The following CCDC169 variants were observed in gnomAD, a reference collection of about 807,000 sequenced individuals.
CCDC169 encodes the protein coiled-coil domain-containing protein 169.
A neutral mutation model predicts 36.0 loss-of-function variants in CCDC169; 30 were observed. The ratio of observed to expected loss-of-function variants is 0.83; its 90% confidence interval spans 0.62 to 1.13. The LOEUF (loss-of-function observed/expected upper bound fraction) is 1.13, where lower values mean the gene tolerates loss of function less well. Ranked by LOEUF, CCDC169 falls within the 50% of genes most tolerant of loss-of-function variation. The pLI is 0.00. For synonymous variants in CCDC169, 85 were observed against 81.5 expected, an observed-to-expected ratio of 1.04 and a Z score of -0.23; for missense variants, 245 against 245.9, an observed-to-expected ratio of 1.00 and a Z score of 0.03.
chr13:36,286,803 T>C (rs945987711), intron 2 of CCDC169, among the ~76,000 whole-genome samples: 3 of 152,092 alleles, frequency 2.0e-5, no homozygotes, highest in Admixed American at 1.3e-4. Context: ...GTGCTGAGGC[T>C]CTCCCTAAGA....
downstream of CCDC169, chr13:36,223,059 C>T (rs972961296): frequency 6.6e-6 from 1 of 152,096 alleles, no homozygotes; most frequent in African/African-American, 2.4e-5. Context: ...GAACACCATG[C>T]AATATAAACA....
At position 36,231,143 on chromosome 13, in the gene CCDC169, T is replaced by C. The variant is rs1870376776; in HGVS notation, c.*50A>G. On this transcript the variant is annotated 3_prime_UTR_variant, in exon 8 of 8. Coordinates refer to ENST00000239859, the MANE Select transcript of CCDC169 (RefSeq NM_001144981.3). The stretch of plus-strand genomic sequence containing the variant: ...GACCATTAACTTTATAACTTGAATA[T>C]TATAAATGGAAAAAAAAAGGAAGAA... 6.6e-7 allele frequency: 1 copy of C among 1,512,622 alleles called. No individual in the cohort carries two copies. Among genetic ancestry groups the C allele is most frequent in the Non-Finnish European group, 8.9e-7 (1 of 1,128,670 alleles). The allele number at this position is 1,512,622 out of a possible 1,614,324, so 93.7% of individuals were successfully genotyped here.
At chr13:36,288,316 G>A (rs527414780) in intron 2 of CCDC169, among the ~76,000 whole-genome samples, 1 of 152,182 alleles carries the variant, frequency 6.6e-6, no homozygotes, top group South Asian at 2.1e-4. Context: ...GCCCGACCCG[G>A]AAATAACTTT....
intron 6 of CCDC169, among the ~76,000 whole-genome samples, chr13:36,249,993 T>C (rs1872951960): frequency 6.6e-6 from 1 of 152,144 alleles, no homozygotes; most frequent in South Asian, 2.1e-4. Flanking sequence ...GCATCTACTA[T>C]ATGCTGCCAC....
chr13:36,234,906 A>G (rs1223204145), intron 7 of CCDC169, among the ~76,000 whole-genome samples: 2 of 152,162 alleles, frequency 1.3e-5, no homozygotes, highest in East Asian at 3.8e-4. Flanking sequence ...TGGCAAAGAT[A>G]ACTACATAGG....
chr13:36,245,794 T>C (rs1872441087), intron 7 of CCDC169, among the ~76,000 whole-genome samples: 1 of 152,222 alleles, frequency 6.6e-6, no homozygotes, highest in African/African-American at 2.4e-5. Context: ...AGATACTGCA[T>C]TTTTTACAAA....
intron 4 of CCDC169, among the ~76,000 whole-genome samples, chr13:36,274,871 T>TTG (rs2138575794): frequency 6.8e-6 from 1 of 147,554 alleles, no homozygotes; most frequent in Non-Finnish European, 1.5e-5. Flanking sequence ...TAGCTGCATT[T>TTG]TTTTTTTTTT....
At chr13:36,250,053 G>GA (rs1261617255) in intron 6 of CCDC169, among the ~76,000 whole-genome samples, 1 of 152,166 alleles carries the variant, frequency 6.6e-6, no homozygotes, top group Non-Finnish European at 1.5e-5. Flanking sequence ...TTCTATCGGG[G>GA]AAACAGCAAA....
intron 6 of CCDC169, among the ~76,000 whole-genome samples, chr13:36,248,903 A>T (rs1204948922): frequency 3.8e-5 from 1 of 26,304 alleles, no homozygotes; most frequent in Non-Finnish European, 6.3e-5. Context: ...CATGTGACTT[A>T]AAAAAAAAAT....
chr13:36,284,171 T>C (rs1877893861), intron 2 of CCDC169, among the ~76,000 whole-genome samples: 1 of 151,988 alleles, frequency 6.6e-6, no homozygotes, highest in Non-Finnish European at 1.5e-5. Flanking sequence ...TTTATACATT[T>C]TATATATGTT....
In CCDC169 at chr13:36,286,548, G is replaced by A. The variant is rs532212121; in HGVS notation, c.164-2846C>T. ...TACACAGCCCCTTAACCAGGGATTT[G>A]TTTGGATGCACACCACCTGTTTGTC... On this transcript the variant is annotated intron_variant, in intron 2 of 7. Coordinates refer to ENST00000239859, the MANE Select transcript of CCDC169 (RefSeq NM_001144981.3). 3.3e-5 allele frequency among the ~76,000 whole-genome samples: 5 copies of A among 152,300 alleles called. No individual in the cohort carries two copies. The East Asian group carries it at 9.7e-4, about 29-fold the overall frequency.
chr13:36,273,771 C>T (rs1348185759), intron 4 of CCDC169, among the ~76,000 whole-genome samples: 2 of 152,120 alleles, frequency 1.3e-5, no homozygotes, highest in African/African-American at 4.8e-5. Context: ...GCTTTATAAG[C>T]ACCATGTGGA....
chr13:36,232,000 G>A (rs987463213), intron 7 of CCDC169, among the ~76,000 whole-genome samples: 3 of 152,152 alleles, frequency 2.0e-5, no homozygotes, highest in African/African-American at 7.2e-5. Context: ...ATGGTTAGAA[G>A]CAACTTTATC....
intron 4 of CCDC169, among the ~76,000 whole-genome samples, chr13:36,264,265 G>A (rs545327994): frequency 6.6e-6 from 1 of 152,082 alleles, no homozygotes; most frequent in Non-Finnish European, 1.5e-5. Flanking sequence ...TACTTCAGAA[G>A]TTTTTAAAAG....
chr13:36,264,588 C>T (rs1875033186), intron 4 of CCDC169, among the ~76,000 whole-genome samples: 1 of 152,146 alleles, frequency 6.6e-6, no homozygotes, highest in Admixed American at 6.5e-5. Flanking sequence ...GTCTCTCTGA[C>T]AGAGGATGTT....
At chr13:36,226,822 T>C (rs1593976216), downstream of CCDC169, 1 of 272,874 alleles carries the variant, frequency 3.7e-6, no homozygotes, top group Admixed American at 5.3e-5. Context: ...AGAGCAAACA[T>C]TGACAAATAA....
chr13:36,285,830 G>C (rs568469193), intron 2 of CCDC169, among the ~76,000 whole-genome samples: 11 of 152,302 alleles, frequency 7.2e-5, no homozygotes, highest in Middle Eastern at 3.4e-3. Context: ...CACAGACCTT[G>C]TAACCAGCAC....
At chr13:36,251,878 A>C (rs558918467) in intron 6 of CCDC169, among the ~76,000 whole-genome samples, 17 of 152,294 alleles carry the variant, frequency 1.1e-4, no homozygotes, top group Non-Finnish European at 2.2e-4. Flanking sequence ...GATATTCACC[A>C]TTTACTGGAA....
rs541209548 is a variant in CCDC169 at position 36,285,105 on chromosome 13, G to A, written c.164-1403C>T. ...GTATCCCCTTTCCTAACATGGTAACGGATTCTTCAGAGCAAGATGAGAATG... is the reference window on the plus strand; with the variant it reads ...GTATCCCCTTTCCTAACATGGTAACAGATTCTTCAGAGCAAGATGAGAATG... On this transcript the variant is annotated intron_variant, in intron 2 of 7. Coordinates refer to ENST00000239859, the MANE Select transcript of CCDC169 (RefSeq NM_001144981.3). Among the ~76,000 whole-genome samples, 4 of 152,154 alleles carry A rather than the reference G, an allele frequency of 2.6e-5. No homozygotes were observed. In the East Asian group the frequency reaches 5.8e-4, roughly 22 times the overall value.
Sources: allele counts gnomAD v4.1 joint callset (sites outside exome capture counted in the v4.1 genomes callset), GRCh38; gene constraint gnomAD v4.1.1; transcripts MANE v1.5; gene names NCBI Gene and HGNC (gene_info 2026-07-23, HGNC 2026-07-21).